Variants in MTMR2 observed in about 807,000 individuals in gnomAD.
The protein encoded by MTMR2 is myotubularin related protein 2.
MTMR2 carries 55 observed loss-of-function variants against 86.9 expected under a neutral mutation model. That is an observed-to-expected ratio of 0.63 (90% CI 0.51 to 0.79). MTMR2 has a LOEUF of 0.79. MTMR2 is among the 30% of genes least tolerant of loss of function. The pLI, the probability that MTMR2 is intolerant of heterozygous loss-of-function variation, is 0.00. For synonymous variants in MTMR2, 241 were observed against 266.8 expected (o/e 0.90, Z 0.94); for missense variants, 659 against 772.3 (o/e 0.85, Z 1.74).
At chr11:95,904,872 T>C (rs1866199015) in intron 1 of MTMR2, among the ~76,000 whole-genome samples, 1 of 152,174 alleles carries the variant, frequency 6.6e-6, no homozygotes, top group Non-Finnish European at 1.5e-5. Flanking sequence ...TCCGGTAATA[T>C]ATATGCAGTG....
At chr11:95,874,112 T>C (rs1865002579) in intron 2 of MTMR2, among the ~76,000 whole-genome samples, 2 of 151,914 alleles carry the variant, frequency 1.3e-5, no homozygotes, top group East Asian at 1.9e-4. Context: ...CTATTAGGTC[T>C]GCTTGGTGCA....
Position 95,836,251 on chromosome 11 carries a change from TAG to T in MTMR2, c.1665_1666del (p.Tyr556TrpfsTer47), listed in dbSNP as rs752540236. ...AAGGACATGATTGGAATAGCTCCCA[TAG>T]AGAGGATTAGTGAAGTCTTCCAGCT... is the stretch of plus-strand genomic sequence containing the variant. On this transcript the variant is annotated frameshift_variant, in exon 14 of 15. Coordinates refer to ENST00000346299, the MANE Select transcript of MTMR2 (RefSeq NM_016156.6). LOFTEE classifies it high-confidence loss of function. 1.9e-6 allele frequency: 3 copies of T among 1,612,746 alleles called. No individual in the cohort carries two copies. The highest frequency in any genetic ancestry group is 1.3e-5 in the African/African-American group (1 of 74,806).
chr11:95,874,308 G>A (rs1258966971), intron 2 of MTMR2, among the ~76,000 whole-genome samples: 1 of 152,182 alleles, frequency 6.6e-6, no homozygotes, highest in Non-Finnish European at 1.5e-5. Flanking sequence ...ATTTAGGATA[G>A]TTAGCTCTTC....
At chr11:95,872,631 C>A (rs1335516531) in intron 2 of MTMR2, among the ~76,000 whole-genome samples, 1 of 152,164 alleles carries the variant, frequency 6.6e-6, no homozygotes. Context: ...ATTGCCCTGG[C>A]CAGAACTTCC....
At chr11:95,890,896 T>A (rs1286776251) in intron 1 of MTMR2, among the ~76,000 whole-genome samples, 2 of 151,716 alleles carry the variant, frequency 1.3e-5, no homozygotes, top group African/African-American at 2.4e-5. Context: ...AAATTAAAAT[T>A]TTTTAAATAA....
At position 95,924,061 on chromosome 11, in the gene MTMR2, G is replaced by T. The variant is rs886072077; in HGVS notation, c.-107C>A. 4.9e-6 allele frequency: 7 copies of T among 1,418,270 alleles called. No individual in the cohort carries two copies. Among genetic ancestry groups the T allele is most frequent in the Non-Finnish European group, 6.8e-6 (7 of 1,029,112 alleles). 87.9% of individuals were successfully genotyped at this position (1,418,270 alleles called of 1,614,324 possible). Reference sequence around the variant, plus strand: ...GGACCGGGGCCGCAGTCAGGCCAGCGCCGGCCCGGGAGGGAGACCGGAAGC... The same window carrying T: ...GGACCGGGGCCGCAGTCAGGCCAGCTCCGGCCCGGGAGGGAGACCGGAAGC... On this transcript the variant is annotated 5_prime_UTR_variant, in exon 1 of 15. Transcript: ENST00000346299.
intron 10 of MTMR2, 130 bp from the exon 11 acceptor site, chr11:95,845,289 GA>G: frequency 6.9e-6 from 6 of 874,940 alleles, no homozygotes; most frequent in Non-Finnish European, 1.1e-5. Flanking sequence ...CCCTTCCTAA[GA>G]AGAATTTTTT....
At chr11:95,854,440 T>G (rs1174129221) in intron 7 of MTMR2, among the ~76,000 whole-genome samples, 1 of 152,186 alleles carries the variant, frequency 6.6e-6, no homozygotes, top group East Asian at 1.9e-4. Flanking sequence ...TGTTGGGTAT[T>G]TCTGCAGAAG....
intron 9 of MTMR2, among the ~76,000 whole-genome samples, chr11:95,848,251 T>C (rs1013108287): frequency 1.3e-5 from 2 of 152,210 alleles, no homozygotes; most frequent in Non-Finnish European, 2.9e-5. Context: ...CTTTCATATA[T>C]ACTGAAATTA....
At chr11:95,893,674 T>C (rs528047103) in intron 1 of MTMR2, among the ~76,000 whole-genome samples, 24 of 152,114 alleles carry the variant, frequency 1.6e-4, no homozygotes, top group Non-Finnish European at 3.1e-4. Flanking sequence ...CAGTGCTCAA[T>C]GATTCTCCCA....
At chr11:95,865,868 C>G (rs1864597092) in intron 2 of MTMR2, among the ~76,000 whole-genome samples, 192 bp from the exon 3 acceptor site, 1 of 152,116 alleles carries the variant, frequency 6.6e-6, no homozygotes, top group South Asian at 2.1e-4. Context: ...AAAGCATTTA[C>G]TGAGTGCTTA....
At chr11:95,889,236 C>T (rs148505836) in intron 1 of MTMR2, among the ~76,000 whole-genome samples, 2,381 of 151,680 alleles carry the variant, frequency 0.016, 24 homozygotes, top group Non-Finnish European at 0.025. Flanking sequence ...CAGGTTCAAG[C>T]GATTCTCCTG....
intron 2 of MTMR2, among the ~76,000 whole-genome samples, chr11:95,876,044 G>T (rs1049948903): frequency 6.6e-6 from 1 of 152,220 alleles, no homozygotes; most frequent in African/African-American, 2.4e-5. Context: ...CTACTCTGGG[G>T]TCAGAGACCC....
At chr11:95,857,057 T>C (rs557342773) in intron 7 of MTMR2, among the ~76,000 whole-genome samples, 9 of 152,300 alleles carry the variant, frequency 5.9e-5, no homozygotes, top group Non-Finnish European at 1.0e-4. Flanking sequence ...GTCATTTAGA[T>C]ATCTTTAGCT....
At chr11:95,862,651 A>G (rs1864467775) in intron 3 of MTMR2, among the ~76,000 whole-genome samples, 1 of 152,162 alleles carries the variant, frequency 6.6e-6, no homozygotes, top group Non-Finnish European at 1.5e-5. Context: ...GCTAGATAAA[A>G]CAGGTGTGGG....
At chr11:95,886,322 A>G (rs935893925) in intron 2 of MTMR2, among the ~76,000 whole-genome samples, 4 of 152,314 alleles carry the variant, frequency 2.6e-5, no homozygotes, top group African/African-American at 9.6e-5. Context: ...TAAGAATCTA[A>G]AACTGTTCTA....
At chr11:95,903,649 C>T (rs1326970174) in intron 1 of MTMR2, among the ~76,000 whole-genome samples, 1 of 152,184 alleles carries the variant, frequency 6.6e-6, no homozygotes, top group Non-Finnish European at 1.5e-5. Context: ...CACCCTGTAT[C>T]ATCCTCTCCA....
At chr11:95,856,836 CTGCTAGACTTTT>C (rs1298237626) in intron 7 of MTMR2, among the ~76,000 whole-genome samples, 2 of 152,096 alleles carry the variant, frequency 1.3e-5, no homozygotes, top group African/African-American at 4.8e-5. Flanking sequence ...CTAAAGACAC[CTGCTAGACTTTT>C]TGGTTGCTTA....
intron 1 of MTMR2, among the ~76,000 whole-genome samples, chr11:95,919,684 C>T (rs546062786): frequency 1.3e-5 from 2 of 152,234 alleles, no homozygotes; most frequent in South Asian, 4.1e-4. Context: ...TCAAGATGTC[C>T]AGTCTCCCAT....
Sources: gnomAD v4.1 joint callset for allele counts (sites outside exome capture counted in the v4.1 genomes callset) on GRCh38, gnomAD v4.1.1 for gene constraint, MANE v1.5 for transcripts, NCBI Gene and HGNC (gene_info 2026-07-23, HGNC 2026-07-21) for gene names.